LGR5: variants seen among roughly 807,000 people sequenced by gnomAD.
The protein encoded by LGR5 is leucine rich repeat containing G protein-coupled receptor 5, also known as leucine-rich repeat-containing G protein-coupled receptor 5.
LGR5 carries 54 observed loss-of-function variants against 76.7 expected under a neutral mutation model. That is an observed-to-expected ratio of 0.70 (90% CI 0.57 to 0.88). The LOEUF (loss-of-function observed/expected upper bound fraction) is 0.88. LGR5 is among the 40% of genes least tolerant of loss of function. The pLI is 0.00. For missense variants in LGR5, 1,078 were observed against 1,073.3 expected (o/e 1.00, Z -0.06); for synonymous variants, 406 against 421.9 (o/e 0.96, Z 0.46).
chr12:71,464,900 G>A (rs745567220), intron 1 of LGR5, among the ~76,000 whole-genome samples: 6 of 152,088 alleles, frequency 3.9e-5, no homozygotes, highest in Non-Finnish European at 8.8e-5. Flanking sequence ...TGTACCTTCA[G>A]GATCAAACCT....
intron 1 of LGR5, among the ~76,000 whole-genome samples, chr12:71,466,945 T>C (rs1872891274): frequency 6.6e-6 from 1 of 151,920 alleles, no homozygotes; most frequent in African/African-American, 2.4e-5. Context: ...CAAGAAGTTA[T>C]GTAAGGTAGG....
chr12:71,446,661 C>T (rs1474621873), intron 1 of LGR5, among the ~76,000 whole-genome samples: 1 of 152,160 alleles, frequency 6.6e-6, no homozygotes, highest in Non-Finnish European at 1.5e-5. Context: ...ATACTTATGC[C>T]TTGTAATCAT....
At chr12:71,571,808 G>A (rs554012929) in intron 12 of LGR5, among the ~76,000 whole-genome samples, 11 of 152,170 alleles carry the variant, frequency 7.2e-5, no homozygotes, top group African/African-American at 1.7e-4. Flanking sequence ...TTATATATCC[G>A]CTTTTTTCTC....
At chr12:71,459,392 C>A (rs1383873249) in intron 1 of LGR5, among the ~76,000 whole-genome samples, 3 of 152,018 alleles carry the variant, frequency 2.0e-5, no homozygotes, top group African/African-American at 7.2e-5. Context: ...ATTTTTCCTG[C>A]ATTTGATGGG....
chr12:71,574,788 C>G (rs1478274068), intron 13 of LGR5, among the ~76,000 whole-genome samples: 1 of 152,062 alleles, frequency 6.6e-6, no homozygotes, highest in Non-Finnish European at 1.5e-5. Flanking sequence ...ATGACTTGTC[C>G]CCCTGCCCAT....
In LGR5 at chr12:71,521,583, T is replaced by C. The variant is rs141292986; in HGVS notation, c.285-2823T>C. On this transcript the variant is annotated intron_variant, in intron 2 of 17. Coordinates refer to ENST00000266674, the MANE Select transcript of LGR5 (RefSeq NM_003667.4). Reference sequence around the variant, plus strand: ...TTTCACATATCACTTTTGATCACAGTTGAGTTTAGTCACTTAATCAGGTTT... The same window carrying C: ...TTTCACATATCACTTTTGATCACAGCTGAGTTTAGTCACTTAATCAGGTTT... Among the ~76,000 whole-genome samples the C allele has an allele frequency of 6.5e-3, 995 of 152,314 alleles. 4 individuals are homozygous for C. The highest frequency in any genetic ancestry group is 0.011 in the Non-Finnish European group (757 of 68,014).
intron 2 of LGR5, among the ~76,000 whole-genome samples, chr12:71,513,310 G>A (rs1875261814): frequency 6.6e-6 from 1 of 152,214 alleles, no homozygotes; most frequent in Non-Finnish European, 1.5e-5. Context: ...CTGAAAGGCA[G>A]TGAGAGGAGT....
chr12:71,502,858 A>T (rs1565699177), intron 1 of LGR5, among the ~76,000 whole-genome samples: 1 of 152,232 alleles, frequency 6.6e-6, no homozygotes, highest in Non-Finnish European at 1.5e-5. Context: ...CTTAATATGT[A>T]AATGACTATG....
In LGR5 at chr12:71,580,596, G is replaced by A. The variant is rs561624978; in HGVS notation, c.1552+173G>A. Reference sequence around the variant, plus strand: ...GGATCACTTGAGGTCAGCAGTTCAAGACCAGCCTGGCCAACATGGTGAAAC... The same window carrying A: ...GGATCACTTGAGGTCAGCAGTTCAAAACCAGCCTGGCCAACATGGTGAAAC... On this transcript the variant is annotated intron_variant, in intron 16 of 17. Transcript: ENST00000266674. Among the ~76,000 whole-genome samples the A allele has an allele frequency of 1.9e-4, 29 of 152,248 alleles. No individual in the cohort carries two copies. In the South Asian group the frequency reaches 3.9e-3, roughly 21 times the overall value.
In LGR5 at chr12:71,575,872, A is replaced by G. The variant is rs146436629; in HGVS notation, c.1209-2053A>G. 3.0e-3 allele frequency among the ~76,000 whole-genome samples: 460 copies of G among 152,298 alleles called. 1 individual carries two copies. The highest frequency in any genetic ancestry group is 0.01 in the African/African-American group (432 of 41,546). On this transcript the variant is annotated intron_variant, in intron 13 of 17. Coordinates refer to ENST00000266674, the MANE Select transcript of LGR5 (RefSeq NM_003667.4). ...ACCAATGATAGACTGGATAAAGAAAATGTGGTATATATACACCATGGAATA... is the reference window on the plus strand; with the variant it reads ...ACCAATGATAGACTGGATAAAGAAAGTGTGGTATATATACACCATGGAATA...
intron 1 of LGR5, among the ~76,000 whole-genome samples, chr12:71,474,920 G>A (rs1873260825): frequency 2.0e-5 from 3 of 152,200 alleles, no homozygotes; most frequent in South Asian, 4.1e-4. Flanking sequence ...CCTTTGGGGT[G>A]TACAGATGCA....
At position 71,440,141 on chromosome 12, in the gene LGR5, G is replaced by T. The variant is rs776232102; in HGVS notation, c.61G>T (p.Gly21Trp). Residue 21 changes from glycine (G) to tryptophan (W), a missense_variant, in exon 1 of 18, where the codon GGG becomes TGG. Physicochemically the swap from Gly to Trp is radical, Grantham distance 184. Transcript: ENST00000266674. The surrounding 1 kb of genome is among the most constrained non-coding windows in gnomAD (Gnocchi z 5.3). ...GCCTGTGCTGCTGCAGCTGGCGACC[G>T]GGGGCAGCTCTCCCAGGTCTGGTGT... ...SLPVLLQLAT[G>W]GSSPRSGVLL... 6 of 1,608,692 alleles carry T rather than the reference G, an allele frequency of 3.7e-6. No individual in the cohort carries two copies. The highest frequency in any genetic ancestry group is 2.5e-6 in the Non-Finnish European group (3 of 1,179,462).
rs145734335 is a variant in LGR5, at chr12:71,530,038, G to A, written c.357-5077G>A. The stretch of plus-strand genomic sequence containing the variant: ...TGAGGTAGTTGCATATGAGCATCAT[G>A]TATATAATGACACTTACATCATCTT... On this transcript the variant is annotated intron_variant, in intron 3 of 17. Transcript: ENST00000266674. 4.0e-5 allele frequency among the ~76,000 whole-genome samples: 6 copies of A among 151,186 alleles called. No individual in the cohort carries two copies. In the East Asian group the frequency reaches 9.7e-4, roughly 24 times the overall value.
intron 1 of LGR5, among the ~76,000 whole-genome samples, chr12:71,457,047 A>C (rs1216427333): frequency 1.3e-5 from 2 of 152,152 alleles, no homozygotes; most frequent in Non-Finnish European, 2.9e-5. Context: ...AGGGGAATAA[A>C]GGAGGCATTT....
intron 1 of LGR5, among the ~76,000 whole-genome samples, chr12:71,456,356 G>T (rs1872474068): frequency 6.6e-6 from 1 of 152,142 alleles, no homozygotes; most frequent in African/African-American, 2.4e-5. Flanking sequence ...TCTGAAAACT[G>T]CAGTGACCAG....
chr12:71,554,065 G>C (rs528995163), intron 5 of LGR5, among the ~76,000 whole-genome samples: 54 of 152,294 alleles, frequency 3.5e-4, no homozygotes, highest in African/African-American at 1.3e-3. Context: ...CTGGGGAAGA[G>C]AGTGAGACTC....
intron 1 of LGR5, among the ~76,000 whole-genome samples, chr12:71,462,126 C>T (rs911080275): frequency 2.0e-5 from 3 of 152,084 alleles, no homozygotes; most frequent in Non-Finnish European, 4.4e-5. Flanking sequence ...GAATGCTGAT[C>T]GTGTCACTTC....
chr12:71,447,044 T>A (rs1872031497), intron 1 of LGR5, among the ~76,000 whole-genome samples: 1 of 152,236 alleles, frequency 6.6e-6, no homozygotes. Context: ...TGGAACTATT[T>A]CTCAGTTCAG....
Position 71,561,857 on chromosome 12 carries a change from G to C in LGR5, c.857+5G>C, listed in dbSNP as rs372752846. 7.1e-6 allele frequency: 11 copies of C among 1,559,740 alleles called. No individual in the cohort carries two copies. The highest frequency in any genetic ancestry group is 1.4e-5 in the African/African-American group (1 of 73,568). ...CAACCCTTCTCTTATTACAATGTAAGTGACCATAATGCTTTTCGGTTTCTC... is the reference window on the plus strand; with the variant it reads ...CAACCCTTCTCTTATTACAATGTAACTGACCATAATGCTTTTCGGTTTCTC... On this transcript the variant is annotated splice_donor_5th_base_variant and intron_variant, in intron 8 of 17. Coordinates refer to ENST00000266674, the MANE Select transcript of LGR5 (RefSeq NM_003667.4).
Sources: gnomAD v4.1 joint callset for allele counts (sites outside exome capture counted in the v4.1 genomes callset) on GRCh38, gnomAD v4.1.1 for gene constraint, Gnocchi (gnomAD v3.1) non-coding constraint, MANE v1.5 for transcripts, NCBI Gene and HGNC (gene_info 2026-07-23, HGNC 2026-07-21) for gene names.